MTCL1: variants seen among roughly 807,000 people sequenced by gnomAD.
The protein encoded by MTCL1 is microtubule cross-linking factor 1.
In MTCL1, 79 loss-of-function variants were observed where a neutral mutation model predicts 141.4. The observed-to-expected ratio is 0.56, with a 90% CI of 0.47 to 0.67. MTCL1 has a LOEUF of 0.67. Among genes scored for constraint, MTCL1 ranks in the 30% least tolerant of loss-of-function variants. MTCL1 has a pLI of 0.00. For synonymous variants in MTCL1, 914 were observed against 875.8 expected (o/e 1.04, Z -0.77); for missense variants, 2,177 against 2,113.9 (o/e 1.03, Z -0.59).
At chr18:8,767,027 T>A (rs907750994) in intron 4 of MTCL1, among the ~76,000 whole-genome samples, 1 of 152,176 alleles carries the variant, frequency 6.6e-6, no homozygotes, top group African/African-American at 2.4e-5. Flanking sequence ...ATCCTGTGCC[T>A]CTCCCTGCAG....
intron 11 of MTCL1, chr18:8,809,904 G>A (rs2076426460): frequency 7.0e-6 from 2 of 284,000 alleles, no homozygotes; most frequent in South Asian, 6.5e-5. Context: ...GGGCCATGGA[G>A]GACGCTGCAG....
chr18:8,831,284 G>A (rs1320909214), intron 16 of MTCL1: 87 of 1,153,434 alleles, frequency 7.5e-5, no homozygotes, highest in Non-Finnish European at 9.3e-5. Flanking sequence ...GTGGCCTGTG[G>A]AGACCGCTGC....
At chr18:8,729,318 A>G (rs2096237782) in intron 4 of MTCL1, among the ~76,000 whole-genome samples, 1 of 151,750 alleles carries the variant, frequency 6.6e-6, no homozygotes, top group East Asian at 1.9e-4. Flanking sequence ...AGCCTCCCAA[A>G]GTGCTGGGAT....
chr18:8,791,668 AC>A (rs1271169443), intron 7 of MTCL1, among the ~76,000 whole-genome samples: 1 of 152,098 alleles, frequency 6.6e-6, no homozygotes, highest in Non-Finnish European at 1.5e-5. Flanking sequence ...TAAATAATAG[AC>A]CTTTTGGAAA....
At chr18:8,731,764 A>G (rs982291770) in intron 4 of MTCL1, among the ~76,000 whole-genome samples, 3 of 151,592 alleles carry the variant, frequency 2.0e-5, no homozygotes, top group Non-Finnish European at 4.4e-5. Context: ...GCTGGAGTGC[A>G]GTGGTGTGAT....
At chr18:8,814,322 G>A (rs1389192068) in intron 12 of MTCL1, among the ~76,000 whole-genome samples, 4 of 151,930 alleles carry the variant, frequency 2.6e-5, no homozygotes, top group Admixed American at 6.6e-5. Flanking sequence ...CAGCCTGGGC[G>A]ACAGACCGAG....
intron 4 of MTCL1, among the ~76,000 whole-genome samples, chr18:8,731,277 A>G (rs2096249239): frequency 6.6e-6 from 1 of 150,676 alleles, no homozygotes; most frequent in African/African-American, 2.4e-5. Context: ...AATAATAATA[A>G]TGATAATTAA....
chr18:8,727,354 T>C (rs1167419985), intron 4 of MTCL1, among the ~76,000 whole-genome samples: 1 of 152,182 alleles, frequency 6.6e-6, no homozygotes, highest in East Asian at 1.9e-4. Flanking sequence ...TTTTTACTAC[T>C]TTGAGAATTC....
chr18:8,774,440 C>G (rs551717950), intron 4 of MTCL1, among the ~76,000 whole-genome samples: 2 of 145,290 alleles, frequency 1.4e-5, no homozygotes, highest in Admixed American at 1.4e-4. Flanking sequence ...CTGCAAATTT[C>G]TGGTCTTTCT....
In MTCL1 at chr18:8,717,428, T is replaced by C. The variant is rs2096135988; in HGVS notation, c.-87+2T>C. On this transcript the variant is annotated splice_donor_variant, in intron 1 of 16. Coordinates refer to ENST00000359865, the Ensembl canonical transcript of MTCL1. LOFTEE classifies it low-confidence loss of function (5UTR_SPLICE). ...GTCTTGAGGCCTGAAGAAGCAAAGG[T>C]GCGAGCAGTCTCAGACCCTGTGCTA... 1.3e-5 allele frequency: 2 copies of C among 152,264 alleles called. No individual in the cohort carries two copies. The highest frequency in any genetic ancestry group is 1.3e-4 in the Admixed American group (2 of 15,270). 9.4% of individuals were successfully genotyped at this position (152,264 alleles called of 1,614,324 possible). A position where few individuals can be genotyped will look rare whatever the true frequency, so the allele number is the denominator to read the frequency against.
intron 4 of MTCL1, among the ~76,000 whole-genome samples, chr18:8,728,613 A>G (rs1348350293): frequency 6.6e-6 from 1 of 151,588 alleles, no homozygotes; most frequent in African/African-American, 2.4e-5. Flanking sequence ...CTCACTCCGA[A>G]TAGTGTTCGA....
In MTCL1 at chr18:8,718,653, G is replaced by GTGA; in HGVS notation, c.198+6_198+8dup. The GTGA allele has an allele frequency of 1.2e-6, 2 of 1,612,356 alleles. No individual in the cohort carries two copies. Among genetic ancestry groups the GTGA allele is most frequent in the Non-Finnish European group, 1.7e-6 (2 of 1,179,890 alleles). ...AGCCTGGAGCAGGACTTGAAGGTGAGTGAGGGGGTGGTGCGTGCACCTCGC... is the reference window on the plus strand; with the variant it reads ...AGCCTGGAGCAGGACTTGAAGGTGAGTGATGAGGGGGTGGTGCGTGCACCTCGC... On this transcript the variant is annotated splice_donor_region_variant and intron_variant, in intron 3 of 16. Coordinates refer to ENST00000359865, the Ensembl canonical transcript of MTCL1.
intron 5 of MTCL1, among the ~76,000 whole-genome samples, chr18:8,781,345 C>G (rs2096532068): frequency 6.6e-6 from 1 of 152,084 alleles, no homozygotes. Flanking sequence ...ATAGCATAGC[C>G]CATTTGCCTC....
At chr18:8,713,559 A>G (rs2096107624), upstream of MTCL1, among the ~76,000 whole-genome samples, 1 of 152,172 alleles carries the variant, frequency 6.6e-6, no homozygotes, top group Admixed American at 6.5e-5. Flanking sequence ...ATCCATCATG[A>G]CCCTAATTCC....
chr18:8,720,973 G>A (rs971296360), intron 4 of MTCL1, among the ~76,000 whole-genome samples: 1 of 152,162 alleles, frequency 6.6e-6, no homozygotes, highest in Non-Finnish European at 1.5e-5. Context: ...TGTTAAAGCT[G>A]TGTAAACAGA....
intron 4 of MTCL1, among the ~76,000 whole-genome samples, chr18:8,726,776 G>A (rs2096218328): frequency 6.6e-6 from 1 of 152,088 alleles, no homozygotes; most frequent in Admixed American, 6.6e-5. Context: ...TTGAACCCCA[G>A]GGTTTTGGTA....
At chr18:8,781,676 CAT>C (rs1300238232) in intron 5 of MTCL1, among the ~76,000 whole-genome samples, 1 of 152,078 alleles carries the variant, frequency 6.6e-6, no homozygotes, top group African/African-American at 2.4e-5. Context: ...ATATACAGAC[CAT>C]TATTTCATTT....
Position 8,796,215 on chromosome 18 carries a change from CTCTT to C in MTCL1, c.2011-16_2011-13del, listed in dbSNP as rs2075913909. ...GGATTAGCTGCTTGTCACACTGTCTCTCTTATTCCATTCAAGATGGAGGAGGAGC... is the reference window on the plus strand; with the variant it reads ...GGATTAGCTGCTTGTCACACTGTCTCATTCCATTCAAGATGGAGGAGGAGC... On this transcript the variant is annotated splice_polypyrimidine_tract_variant and intron_variant, in intron 8 of 16. Coordinates refer to ENST00000359865, the Ensembl canonical transcript of MTCL1. 6.2e-7 allele frequency: 1 copy of C among 1,613,518 alleles called. No individual in the cohort carries two copies. The highest frequency in any genetic ancestry group is 2.2e-5 in the East Asian group (1 of 44,874).
intron 16 of MTCL1, chr18:8,831,130 A>C: frequency 1.0e-6 from 1 of 988,462 alleles, no homozygotes; most frequent in Non-Finnish European, 1.2e-6. Context: ...TGCCATTGCT[A>C]ACACAGCTGA....
Sources: gnomAD v4.1 joint callset for allele counts (sites outside exome capture counted in the v4.1 genomes callset) on GRCh38, gnomAD v4.1.1 for gene constraint, MANE v1.5 for transcripts, NCBI Gene and HGNC (gene_info 2026-07-23, HGNC 2026-07-21) for gene names.